IL1RAPL1: variants seen among roughly 807,000 people sequenced by gnomAD.
The protein encoded by IL1RAPL1 is interleukin 1 receptor accessory protein like 1, also known as interleukin-1 receptor accessory protein-like 1.
Under a neutral mutation model 48.4 loss-of-function variants are expected in IL1RAPL1, and 3 were observed. The ratio of observed to expected loss-of-function variants is 0.06; its 90% CI spans 0.03 to 0.16. The LOEUF is 0.16. Among genes scored for constraint, IL1RAPL1 ranks in the 10% least tolerant of loss-of-function variants. The pLI is 1.00. For missense variants in IL1RAPL1, 349 were observed against 530.6 expected, an observed-to-expected ratio of 0.66 and a Z score of 3.36; for synonymous variants, 185 against 187.7, an observed-to-expected ratio of 0.99 and a Z score of 0.12.
intron 2 of IL1RAPL1, among the ~76,000 whole-genome samples, chrX:29,121,063 A>G (rs369555214): frequency 2.7e-5 from 3 of 111,958 alleles, no homozygotes; most frequent in South Asian, 3.7e-4. Flanking sequence ...AAGTCTCAGC[A>G]AGTAGGGATA....
chrX:29,893,735 T>A (rs1211500826), intron 6 of IL1RAPL1, among the ~76,000 whole-genome samples: 1 of 111,533 alleles, frequency 9.0e-6, no homozygotes, highest in Non-Finnish European at 1.9e-5. Flanking sequence ...GGTTTTGCAA[T>A]ATTGAGGTGA....
rs991029863 is a variant in IL1RAPL1 at position 28,621,527 on chromosome X, G to A, written c.-25+33480G>A. Among the ~76,000 whole-genome samples, 5 of 111,427 alleles carry A rather than the reference G, an allele frequency of 4.5e-5. No individual in the cohort carries two copies. In the East Asian group the frequency reaches 1.1e-3, roughly 25 times the overall value. On this transcript the variant is annotated intron_variant, in intron 1 of 10. Transcript: ENST00000378993. Reference sequence around the variant, plus strand: ...CTGACTTAGTCTTTTATGTCTCTTTGTATTATGCTACCTTGGAGACCGCAT... The same window carrying A: ...CTGACTTAGTCTTTTATGTCTCTTTATATTATGCTACCTTGGAGACCGCAT...
At chrX:28,609,697 A>G (rs926990854) in intron 1 of IL1RAPL1, among the ~76,000 whole-genome samples, 1 of 106,782 alleles carries the variant, frequency 9.4e-6, no homozygotes, top group Non-Finnish European at 1.9e-5. Flanking sequence ...GCTTCCTATT[A>G]ATTTCTGCCT....
At chrX:29,671,526 A>G (rs139710149) in intron 6 of IL1RAPL1, among the ~76,000 whole-genome samples, 11,734 of 111,831 alleles carry the variant, frequency 0.1, 516 homozygotes, top group Middle Eastern at 0.2. Flanking sequence ...TTCTAAATGT[A>G]AAAAAAAGAA....
chrX:29,506,503 T>C (rs1290544182), intron 5 of IL1RAPL1, among the ~76,000 whole-genome samples: 3 of 107,048 alleles, frequency 2.8e-5, no homozygotes, highest in African/African-American at 1.0e-4. Context: ...TGCGTGCATG[T>C]ATGCTACTTC....
At chrX:29,219,931 A>G (rs1602118431) in intron 2 of IL1RAPL1, among the ~76,000 whole-genome samples, 1 of 109,721 alleles carries the variant, frequency 9.1e-6, no homozygotes, top group African/African-American at 3.3e-5. Context: ...CATTAACTCA[A>G]TGAAATCAGC....
Position 28,971,395 on chromosome X carries a change from G to C in IL1RAPL1, c.82+181970G>C, listed in dbSNP as rs138512257. On this transcript the variant is annotated intron_variant, in intron 2 of 10. Transcript: ENST00000378993. ...CAAGCTCAGAATTCTTGATGAAGCT[G>C]TTCCTTGGAGTCAAAGGGAGTGTGA... 2.0e-3 allele frequency among the ~76,000 whole-genome samples: 219 copies of C among 112,279 alleles called. 1 individual carries two copies. The highest frequency in any genetic ancestry group is 6.6e-3 in the African/African-American group (204 of 30,933).
chrX:28,938,933 A>T (rs1000458962), intron 2 of IL1RAPL1, among the ~76,000 whole-genome samples: 1 of 110,861 alleles, frequency 9.0e-6, no homozygotes, highest in East Asian at 2.8e-4. Context: ...GGTCACTATC[A>T]TTGATCATTA....
At chrX:28,987,985 A>G (rs1353260738) in intron 2 of IL1RAPL1, among the ~76,000 whole-genome samples, 1 of 112,190 alleles carries the variant, frequency 8.9e-6, no homozygotes, top group Non-Finnish European at 1.9e-5. Flanking sequence ...AAGGCACACA[A>G]TAGCAATCAA....
chrX:29,593,167 T>C (rs1012732066), intron 5 of IL1RAPL1, among the ~76,000 whole-genome samples: 1 of 111,391 alleles, frequency 9.0e-6, no homozygotes, highest in Non-Finnish European at 1.9e-5. Context: ...CGTATTAGCC[T>C]GAGTGTCTAA....
At chrX:28,986,880 G>C (rs1326012275) in intron 2 of IL1RAPL1, among the ~76,000 whole-genome samples, 1 of 111,821 alleles carries the variant, frequency 8.9e-6, no homozygotes, top group African/African-American at 3.3e-5. Flanking sequence ...TTAGTGATTT[G>C]GATTTGTCAA....
intron 8 of IL1RAPL1, among the ~76,000 whole-genome samples, chrX:29,927,887 C>CAGGA (rs1932904401): frequency 1.4e-5 from 1 of 70,279 alleles, no homozygotes; most frequent in African/African-American, 5.9e-5. Flanking sequence ...GCTTCAAAAG[C>CAGGA]AGGAGGGAGG....
At chrX:29,888,226 AT>A (rs113492482) in intron 6 of IL1RAPL1, among the ~76,000 whole-genome samples, 1,261 of 99,232 alleles carry the variant, frequency 0.013, 15 homozygotes, top group African/African-American at 0.034. Flanking sequence ...CAACTGAGGA[AT>A]TTTTTTTTTT....
chrX:29,581,025 G>C (rs1922945628), intron 5 of IL1RAPL1, among the ~76,000 whole-genome samples: 1 of 111,796 alleles, frequency 8.9e-6, no homozygotes, highest in Non-Finnish European at 1.9e-5. Flanking sequence ...GGTTAAATGA[G>C]ATGGTTCTTC....
At chrX:29,308,060 A>G (rs940304939) in intron 3 of IL1RAPL1, among the ~76,000 whole-genome samples, 18 of 112,253 alleles carry the variant, frequency 1.6e-4, no homozygotes, top group African/African-American at 5.8e-4. Context: ...CAAGTGACAG[A>G]AAACCGAGAT....
intron 6 of IL1RAPL1, among the ~76,000 whole-genome samples, chrX:29,806,204 C>T (rs1210249835): frequency 7.3e-5 from 8 of 110,303 alleles, no homozygotes; most frequent in African/African-American, 2.4e-4. Context: ...TGTGAGCACA[C>T]GGGCACACGT....
At chrX:29,278,620 C>T (rs982830795) in intron 2 of IL1RAPL1, among the ~76,000 whole-genome samples, 8 of 112,099 alleles carry the variant, frequency 7.1e-5, no homozygotes, top group African/African-American at 1.3e-4. Flanking sequence ...TACCAGCATC[C>T]ACAATTACCT....
chrX:29,060,932 G>T lies in IL1RAPL1; in HGVS notation c.83-222006G>T, dbSNP rs992598790. Reference sequence around the variant, plus strand: ...ATGTATGGTTACTTTCACTTAGGATGAAATAAAAAATATTGGCTTATTTAT... The same window carrying T: ...ATGTATGGTTACTTTCACTTAGGATTAAATAAAAAATATTGGCTTATTTAT... On this transcript the variant is annotated intron_variant, in intron 2 of 10. Transcript: ENST00000378993. Among the ~76,000 whole-genome samples, 6 of 111,324 alleles carry T rather than the reference G, an allele frequency of 5.4e-5. No homozygotes were observed. The Admixed American group carries it at 5.8e-4, about 11-fold the overall frequency.
At chrX:29,421,100 A>G (rs749360019) in intron 5 of IL1RAPL1, among the ~76,000 whole-genome samples, 1 of 112,422 alleles carries the variant, frequency 8.9e-6, no homozygotes, top group South Asian at 3.7e-4. Flanking sequence ...CACAATGTGA[A>G]AAACATAAAT....
Sources: gnomAD v4.1 joint callset for allele counts (sites outside exome capture counted in the v4.1 genomes callset) on GRCh38, gnomAD v4.1.1 for gene constraint, MANE v1.5 for transcripts, NCBI Gene and HGNC (gene_info 2026-07-23, HGNC 2026-07-21) for gene names.